The following CDKN2B-AS1 variants were observed in gnomAD, a reference collection of about 807,000 sequenced individuals.
CDKN2B-AS1 encodes the protein CDKN2B antisense RNA 1 (non-protein coding).
At chr9:22,115,486 G>A (rs1825924573) in intron 4 of CDKN2B-AS1, among the ~76,000 whole-genome samples, 1 of 152,180 alleles carries the variant, frequency 6.6e-6, no homozygotes, top group African/African-American at 2.4e-5. Flanking sequence ...CAGCAGGGAA[G>A]TGATTCCGAA....
At chr9:22,098,324 T>A (rs1442285272) in intron 4 of CDKN2B-AS1, among the ~76,000 whole-genome samples, 1 of 151,584 alleles carries the variant, frequency 6.6e-6, no homozygotes, top group South Asian at 2.1e-4. Context: ...CTATAATATA[T>A]CTTTATATGT....
chr9:22,078,155 G>T (rs1013874897), intron 4 of CDKN2B-AS1, among the ~76,000 whole-genome samples: 3 of 151,974 alleles, frequency 2.0e-5, no homozygotes, highest in Admixed American at 1.3e-4. Context: ...TTGTACTTAC[G>T]ATATGACTTG....
chr9:22,086,149 TAG>T, intron 4 of CDKN2B-AS1, among the ~76,000 whole-genome samples: 1 of 152,260 alleles, frequency 6.6e-6, no homozygotes, highest in Non-Finnish European at 1.5e-5. Flanking sequence ...CTCAATGTGG[TAG>T]AGTTATTATT....
intron 1 of CDKN2B-AS1, among the ~76,000 whole-genome samples, chr9:22,015,111 T>C (rs1447852545): frequency 6.6e-6 from 1 of 152,088 alleles, no homozygotes. Context: ...TTATAATCCT[T>C]TGGGTATATA....
chr9:22,007,179 G>A (rs2131184647), intron 1 of CDKN2B-AS1, among the ~76,000 whole-genome samples: 1 of 152,196 alleles, frequency 6.6e-6, no homozygotes, highest in East Asian at 1.9e-4. Flanking sequence ...GGCCAACATG[G>A]TGAAATCCCG....
chr9:22,020,711 A>G (rs1821980183), intron 1 of CDKN2B-AS1, among the ~76,000 whole-genome samples: 1 of 152,026 alleles, frequency 6.6e-6, no homozygotes, highest in Admixed American at 6.6e-5. Context: ...TCCTTTGCCC[A>G]TTTTTTAATA....
At chr9:22,072,436 A>C (rs190032612) in intron 4 of CDKN2B-AS1, among the ~76,000 whole-genome samples, 2 of 152,306 alleles carry the variant, frequency 1.3e-5, no homozygotes, top group Non-Finnish European at 2.9e-5. Flanking sequence ...GGACAGACAG[A>C]GACACTAGTT....
At chr9:22,067,892 C>T (rs1244705156) in intron 4 of CDKN2B-AS1, among the ~76,000 whole-genome samples, 1 of 152,136 alleles carries the variant, frequency 6.6e-6, no homozygotes, top group Non-Finnish European at 1.5e-5. Flanking sequence ...TCCAAATTTG[C>T]CTTTTCTCTT....
chr9:22,113,263 T>C (rs2131369541), intron 4 of CDKN2B-AS1, among the ~76,000 whole-genome samples: 1 of 152,274 alleles, frequency 6.6e-6, no homozygotes, highest in African/African-American at 2.4e-5. Context: ...TTTATTTCCT[T>C]ATCAAGCCAT....
chr9:22,002,558 G>A (rs1427912460), intron 1 of CDKN2B-AS1, among the ~76,000 whole-genome samples: 1 of 149,450 alleles, frequency 6.7e-6, no homozygotes, highest in African/African-American at 2.4e-5. Flanking sequence ...CAATCTCAGT[G>A]TAAGTGTAAA....
intron 3 of CDKN2B-AS1, among the ~76,000 whole-genome samples, chr9:22,053,957 TA>T (rs10712703): frequency 0.64 from 95,495 of 149,408 alleles, 30,593 homozygotes; most frequent in East Asian, 0.89. Context: ...AGCCTTAAAT[TA>T]AAAAAAAAAA....
At chr9:22,037,111 C>G (rs1822720056) in intron 1 of CDKN2B-AS1, among the ~76,000 whole-genome samples, 1 of 152,004 alleles carries the variant, frequency 6.6e-6, no homozygotes, top group South Asian at 2.1e-4. Flanking sequence ...TTCAAGGATT[C>G]TACTCTGGGT....
At chr9:22,044,117 T>C (rs1479424504) in intron 1 of CDKN2B-AS1, among the ~76,000 whole-genome samples, 6 of 152,022 alleles carry the variant, frequency 3.9e-5, no homozygotes, top group Non-Finnish European at 8.8e-5. Context: ...AAGTCAAGCT[T>C]TTTTTCGCCT....
chr9:22,119,379 T>G lies in CDKN2B-AS1; in HGVS notation n.439-7724T>G, dbSNP rs540497866. The G allele has an allele frequency of 7.2e-5, 11 of 152,316 alleles. 1 individual carries two copies. The South Asian group carries it at 2.3e-3, about 32-fold the overall frequency. The allele number at this position is 152,316 out of a possible 1,614,324, so 9.4% of individuals were successfully genotyped here. The stretch of plus-strand genomic sequence containing the variant: ...CTTTGAAGAGGCAGTCAAGTTCCAT[T>G]TGACTGATTCGGAACTTTTTAGCAA... On this transcript the variant is annotated intron_variant and non_coding_transcript_variant, in intron 4 of 4. Transcript: ENST00000650946.
chr9:22,005,825 G>T lies in CDKN2B-AS1; in HGVS notation n.29+10664G>T. 1.1e-6 allele frequency: 1 copy of T among 874,214 alleles called. No individual in the cohort carries two copies. The highest frequency in any genetic ancestry group is 1.8e-6 in the Non-Finnish European group (1 of 561,804). 54.2% of individuals were successfully genotyped at this position (874,214 alleles called of 1,614,324 possible). A position where few individuals can be genotyped will look rare whatever the true frequency, so the allele number is the denominator to read the frequency against. ...AGACAAAGAAAAAAATGTATGGAAG[G>T]TTATTCCCGGTCGGCTCCTCCTTCC... On this transcript the variant is annotated intron_variant and non_coding_transcript_variant, in intron 1 of 4. Transcript: ENST00000650946. The surrounding 1 kb of genome is among the most constrained non-coding windows in gnomAD (Gnocchi z 4.9).
chr9:22,045,360 A>G (rs1025417014), intron 1 of CDKN2B-AS1, among the ~76,000 whole-genome samples: 1 of 152,032 alleles, frequency 6.6e-6, no homozygotes, highest in South Asian at 2.1e-4. Context: ...AGAGAGGTTT[A>G]TTTACTCAAC....
chr9:22,018,637 C>G (rs920022094), intron 1 of CDKN2B-AS1, among the ~76,000 whole-genome samples: 10 of 152,232 alleles, frequency 6.6e-5, no homozygotes, highest in Middle Eastern at 3.4e-3. Flanking sequence ...TGGGTGACAG[C>G]GCAAGACTTC....
At chr9:22,072,321 A>T (rs1211349893) in intron 4 of CDKN2B-AS1, among the ~76,000 whole-genome samples, 1 of 152,246 alleles carries the variant, frequency 6.6e-6, no homozygotes, top group Non-Finnish European at 1.5e-5. Context: ...TTTCTAGTTT[A>T]TATAAAGACC....
Position 22,056,234 on chromosome 9 carries a change from A to ATTTTTTTTTTT in CDKN2B-AS1, n.303-15_303-5dup, listed in dbSNP as rs1554671373. The stretch of plus-strand genomic sequence containing the variant: ...TGTGTATATATATATATATATATAT[A>ATTTTTTTTTTT]TTTTTTTTTTTTTCCAGTAGAGACG... On this transcript the variant is annotated splice_polypyrimidine_tract_variant and intron_variant and non_coding_transcript_variant, in intron 3 of 4. Coordinates refer to ENST00000650946, the Ensembl canonical transcript of CDKN2B-AS1. 13 of 98,272 alleles carry ATTTTTTTTTTT rather than the reference A, an allele frequency of 1.3e-4. No individual in the cohort carries two copies. In the South Asian group the frequency reaches 3.7e-3, roughly 28 times the overall value. The allele number at this position is 98,272 out of a possible 1,614,324, so 6.1% of individuals were successfully genotyped here. A position where few individuals can be genotyped will look rare whatever the true frequency, so the allele number is the denominator to read the frequency against.
Sources: gnomAD v4.1 joint callset for allele counts (sites outside exome capture counted in the v4.1 genomes callset) on GRCh38, gnomAD v4.1.1 for gene constraint, Gnocchi (gnomAD v3.1) non-coding constraint, MANE v1.5 for transcripts, NCBI Gene and HGNC (gene_info 2026-07-23, HGNC 2026-07-21) for gene names.